Variants in ADAMTS12 observed in about 807,000 individuals in gnomAD.
The protein encoded by ADAMTS12 is ADAM metallopeptidase with thrombospondin type 1 motif 12.
ADAMTS12 carries 118 observed loss-of-function variants against 167.8 expected under a neutral mutation model. The observed-to-expected ratio is 0.70, with a 90% CI of 0.61 to 0.82. The LOEUF (loss-of-function observed/expected upper bound fraction) is 0.82. Among genes scored for constraint, ADAMTS12 ranks in the 40% least tolerant of loss-of-function variants. The probability of loss-of-function intolerance (pLI) is 0.00; values close to 1 mark genes in which losing one functional copy is unlikely to be tolerated. For synonymous variants in ADAMTS12, 704 were observed against 716.9 expected (o/e 0.98, Z 0.29); for missense variants, 1,916 against 1,998.8 (o/e 0.96, Z 0.79).
intron 16 of ADAMTS12, 104 bp downstream of exon 16, chr5:33,614,134 G>T (rs768345148): frequency 7.0e-7 from 1 of 1,438,298 alleles, no homozygotes. Flanking sequence ...GTGGAGCCCT[G>T]CAGATCCATG....
At chr5:33,671,816 TCA>T (rs1445838248) in intron 5 of ADAMTS12, among the ~76,000 whole-genome samples, 1 of 133,316 alleles carries the variant, frequency 7.5e-6, no homozygotes, top group African/African-American at 2.9e-5. Flanking sequence ...ATCCATATAC[TCA>T]CATACCCACA....
intron 2 of ADAMTS12, among the ~76,000 whole-genome samples, chr5:33,870,063 C>T (rs934340599): frequency 1.3e-5 from 2 of 152,176 alleles, no homozygotes; most frequent in Non-Finnish European, 1.5e-5. Context: ...AGAAATATGG[C>T]TCTGTCCTGC....
chr5:33,813,583 C>A (rs943532432), intron 2 of ADAMTS12, among the ~76,000 whole-genome samples: 7 of 152,312 alleles, frequency 4.6e-5, no homozygotes, highest in African/African-American at 1.4e-4. Flanking sequence ...CTGAGCCTAA[C>A]CTTGAAGAGG....
intron 3 of ADAMTS12, among the ~76,000 whole-genome samples, chr5:33,694,000 T>C (rs1286291801): frequency 6.6e-6 from 1 of 152,272 alleles, no homozygotes; most frequent in Non-Finnish European, 1.5e-5. Flanking sequence ...AGCATTTCTA[T>C]ATACCAACAA....
At chr5:33,846,225 T>C (rs4866391) in intron 2 of ADAMTS12, among the ~76,000 whole-genome samples, 4,953 of 152,340 alleles carry the variant, frequency 0.033, 207 homozygotes, top group East Asian at 0.17. Flanking sequence ...GGAATTATTC[T>C]AGACTGAAGA....
Position 33,615,834 on chromosome 5 carries a change from C to A in ADAMTS12, c.2382G>T (p.Trp794Cys). The A allele has an allele frequency of 1.9e-6, 3 of 1,614,148 alleles. No homozygotes were observed. Among genetic ancestry groups the A allele is most frequent in the African/African-American group, 1.3e-5 (1 of 75,042 alleles). The change falls in exon 15 of 24, where the codon TGG becomes TGT. Residue 794 changes from tryptophan to cysteine, a missense_variant. By Grantham distance (215) the Trp-to-Cys change is radical. Transcript: ENST00000504830. ...MATGPTNESV[W>C]IQLLFQVTNP... Reference sequence around the variant, plus strand: ...TCCCTCCTTTCTGCATTACCTGGATCCACACAGACTCATTGGTGGGACCTG... The same window carrying A: ...TCCCTCCTTTCTGCATTACCTGGATACACACAGACTCATTGGTGGGACCTG...
intron 2 of ADAMTS12, among the ~76,000 whole-genome samples, chr5:33,788,683 T>C (rs1056292141): frequency 1.3e-5 from 2 of 152,160 alleles, no homozygotes; most frequent in Admixed American, 6.5e-5. Flanking sequence ...CCTTGGATTA[T>C]AGCCTTGAGA....
intron 9 of ADAMTS12, among the ~76,000 whole-genome samples, chr5:33,646,350 C>T (rs1052447310): frequency 6.6e-6 from 1 of 152,056 alleles, no homozygotes; most frequent in South Asian, 2.1e-4. Context: ...CTTAGGTCTT[C>T]GATTTATTAG....
At chr5:33,652,349 T>C (rs373358790) in intron 7 of ADAMTS12, among the ~76,000 whole-genome samples, 1 of 152,198 alleles carries the variant, frequency 6.6e-6, no homozygotes, top group African/African-American at 2.4e-5. Context: ...AATACCTCAC[T>C]GTGGTTTTAA....
chr5:33,729,246 C>T (rs148512615), intron 3 of ADAMTS12, among the ~76,000 whole-genome samples: 75 of 152,298 alleles, frequency 4.9e-4, no homozygotes, highest in African/African-American at 1.7e-3. Context: ...AGAAGTGCTT[C>T]AGGGGTTCCA....
intron 20 of ADAMTS12, among the ~76,000 whole-genome samples, chr5:33,560,784 G>A (rs187803181): frequency 1.7e-5 from 2 of 116,912 alleles, no homozygotes; most frequent in African/African-American, 3.2e-5. Context: ...GTGGGGGGAG[G>A]GGGGAGGGAT....
chr5:33,608,359 C>A lies in ADAMTS12; in HGVS notation c.2527+5879G>T, dbSNP rs375490900. ...TGAAGACAGAGTTCGATCATTTTAA[C>A]AATAGAATTCTGTGCTTTAAAAACC... is the stretch of plus-strand genomic sequence containing the variant. On this transcript the variant is annotated intron_variant, in intron 16 of 23. Transcript: ENST00000504830. 5.3e-5 allele frequency among the ~76,000 whole-genome samples: 8 copies of A among 152,266 alleles called. No individual in the cohort carries two copies. The East Asian group carries it at 1.4e-3, about 26-fold the overall frequency.
At position 33,658,172 on chromosome 5, in the gene ADAMTS12, T is replaced by C; in HGVS notation, c.1190+12A>G. 3 of 1,613,068 alleles carry C rather than the reference T, an allele frequency of 1.9e-6. No individual in the cohort carries two copies. The highest frequency in any genetic ancestry group is 2.5e-6 in the Non-Finnish European group (3 of 1,179,284). On this transcript the variant is annotated intron_variant, in intron 7 of 23. Coordinates refer to ENST00000504830, the MANE Select transcript of ADAMTS12 (RefSeq NM_030955.4). ...ATATGGTGAGCAAACCTCCCTATCATTGGCCCTTTACCTGTGTCCTAGCTC... is the reference window on the plus strand; with the variant it reads ...ATATGGTGAGCAAACCTCCCTATCACTGGCCCTTTACCTGTGTCCTAGCTC...
chr5:33,600,041 T>C (rs1336461973), intron 16 of ADAMTS12, among the ~76,000 whole-genome samples: 2 of 152,222 alleles, frequency 1.3e-5, no homozygotes, highest in East Asian at 3.8e-4. Flanking sequence ...CCAAAAGAAA[T>C]TCCAGCTAAT....
At chr5:33,711,953 G>A (rs1434724515) in intron 3 of ADAMTS12, among the ~76,000 whole-genome samples, 1 of 152,106 alleles carries the variant, frequency 6.6e-6, no homozygotes, top group Non-Finnish European at 1.5e-5. Flanking sequence ...GGATGCAGTA[G>A]GTTACCAGTG....
At chr5:33,796,074 T>C (rs1746764871) in intron 2 of ADAMTS12, among the ~76,000 whole-genome samples, 1 of 152,230 alleles carries the variant, frequency 6.6e-6, no homozygotes, top group South Asian at 2.1e-4. Flanking sequence ...GTTTGTAACA[T>C]CTAAGTCTCA....
intron 16 of ADAMTS12, among the ~76,000 whole-genome samples, chr5:33,597,580 A>G (rs538351474): frequency 1.2e-4 from 18 of 152,226 alleles, no homozygotes; most frequent in African/African-American, 4.3e-4. Context: ...CTCAGCATGG[A>G]CTCGCTTCAG....
intron 3 of ADAMTS12, among the ~76,000 whole-genome samples, chr5:33,695,350 A>G (rs1202218770): frequency 7.2e-5 from 11 of 152,170 alleles, no homozygotes; most frequent in Admixed American, 6.5e-5. Flanking sequence ...TTTATCAAGT[A>G]TTTTTTCATT....
intron 19 of ADAMTS12, among the ~76,000 whole-genome samples, chr5:33,566,376 A>G (rs573753798): frequency 1.6e-3 from 240 of 152,256 alleles, no homozygotes; most frequent in African/African-American, 5.5e-3. Flanking sequence ...AGGTGGGAAG[A>G]CTGCTTGAGC....
Sources: allele counts gnomAD v4.1 joint callset (sites outside exome capture counted in the v4.1 genomes callset), GRCh38; gene constraint gnomAD v4.1.1; transcripts MANE v1.5; gene names NCBI Gene and HGNC (gene_info 2026-07-23, HGNC 2026-07-21).